The following AUTS2 variants were observed in gnomAD, a reference collection of about 807,000 sequenced individuals.
The protein encoded by AUTS2 is autism susceptibility gene 2 protein.
In AUTS2, 17 loss-of-function variants were observed where a neutral mutation model predicts 112.4. That is an observed-to-expected ratio of 0.15 (90% confidence interval 0.10 to 0.23). The LOEUF (loss-of-function observed/expected upper bound fraction) is 0.23, where lower values mean the gene tolerates loss of function less well. AUTS2 is among the 10% of genes least tolerant of loss of function. The probability of loss-of-function intolerance (pLI) is 1.00; values close to 1 mark genes in which losing one functional copy is unlikely to be tolerated. For synonymous variants in AUTS2, 751 were observed against 702.7 expected (o/e 1.07, Z -1.09); for missense variants, 1,510 against 1,701.6 (o/e 0.89, Z 1.98).
chr7:70,107,887 T>C (rs887963070), intron 2 of AUTS2, among the ~76,000 whole-genome samples: 1 of 151,458 alleles, frequency 6.6e-6, no homozygotes, highest in East Asian at 2.0e-4. Context: ...TGGGCGTGCC[T>C]GTAATCCCAG....
intron 1 of AUTS2, among the ~76,000 whole-genome samples, chr7:69,785,030 GA>G (rs923189880): frequency 1.4e-5 from 2 of 148,008 alleles, no homozygotes; most frequent in African/African-American, 5.0e-5. Flanking sequence ...ACTATGAAAG[GA>G]AAAAAAAACA....
intron 5 of AUTS2, among the ~76,000 whole-genome samples, chr7:70,682,753 C>G (rs965723316): frequency 2.6e-5 from 4 of 152,256 alleles, no homozygotes; most frequent in African/African-American, 7.2e-5. Flanking sequence ...GAAGCTTCCT[C>G]TCTGTTCCAC....
chr7:69,967,225 G>A (rs1257112305), intron 2 of AUTS2, among the ~76,000 whole-genome samples: 4 of 152,176 alleles, frequency 2.6e-5, no homozygotes, highest in African/African-American at 7.2e-5. Flanking sequence ...TGTTTGGCCA[G>A]GTGTTAATCT....
chr7:69,658,451 T>C (rs1795642031), intron 1 of AUTS2, among the ~76,000 whole-genome samples: 1 of 152,230 alleles, frequency 6.6e-6, no homozygotes, highest in African/African-American at 2.4e-5. Flanking sequence ...GTTTTAGAGG[T>C]AGTGGTTCGT....
At chr7:70,185,257 C>CTTTTTTTTTT (rs35215443) in intron 4 of AUTS2, among the ~76,000 whole-genome samples, 13 of 87,118 alleles carry the variant, frequency 1.5e-4, no homozygotes, top group East Asian at 3.7e-4. Context: ...TGACATTAAA[C>CTTTTTTTTTT]TTTTTTTTTT....
At chr7:69,830,439 G>A (rs879563451) in intron 1 of AUTS2, among the ~76,000 whole-genome samples, 1 of 152,100 alleles carries the variant, frequency 6.6e-6, no homozygotes, top group African/African-American at 2.4e-5. Context: ...TAAAAATTCA[G>A]TATGTTTTCT....
intron 4 of AUTS2, among the ~76,000 whole-genome samples, chr7:70,143,200 T>A (rs1806952501): frequency 1.3e-5 from 2 of 152,202 alleles, no homozygotes; most frequent in Admixed American, 1.3e-4. Context: ...ACTCCAAGTG[T>A]CACATTTTCC....
chr7:69,619,082 T>G (rs1793526459), intron 1 of AUTS2, among the ~76,000 whole-genome samples: 1 of 152,224 alleles, frequency 6.6e-6, no homozygotes, highest in African/African-American at 2.4e-5. Context: ...AGATGCCTGG[T>G]ACCAAGCCAT....
chr7:70,577,449 G>A (rs1301639528), intron 5 of AUTS2, among the ~76,000 whole-genome samples: 1 of 151,988 alleles, frequency 6.6e-6, no homozygotes, highest in East Asian at 1.9e-4. Flanking sequence ...AATCCTTTTG[G>A]TCCTTTAAGG....
intron 1 of AUTS2, among the ~76,000 whole-genome samples, chr7:69,713,556 G>A (rs1265990445): frequency 6.6e-6 from 1 of 151,688 alleles, no homozygotes; most frequent in Non-Finnish European, 1.5e-5. Flanking sequence ...TGCCTCCCAG[G>A]TTAAAGAGAT....
intron 4 of AUTS2, among the ~76,000 whole-genome samples, chr7:70,355,236 T>C (rs1791952396): frequency 6.6e-6 from 1 of 152,030 alleles, no homozygotes; most frequent in South Asian, 2.1e-4. Flanking sequence ...TTCTGGTTGT[T>C]TCACTTCCAG....
chr7:70,681,956 C>G (rs1419891600), intron 5 of AUTS2, among the ~76,000 whole-genome samples: 1 of 152,330 alleles, frequency 6.6e-6, no homozygotes, highest in East Asian at 1.9e-4. Flanking sequence ...CAGCCCTCTT[C>G]GCTTATAAAC....
chr7:69,836,756 G>A (rs539854500), intron 1 of AUTS2, among the ~76,000 whole-genome samples: 28 of 152,162 alleles, frequency 1.8e-4, no homozygotes, highest in African/African-American at 6.5e-4. Flanking sequence ...ATATTTGCAC[G>A]CCTAAAAAAA....
chr7:70,435,675 G>T (rs929739304), intron 4 of AUTS2, 77 bp from the exon 5 acceptor site: 10 of 1,436,128 alleles, frequency 7.0e-6, no homozygotes, highest in Middle Eastern at 3.5e-4. Flanking sequence ...TTGTATGGGG[G>T]TTGGGGGAGG....
chr7:69,681,579 G>C (rs1197805833), intron 1 of AUTS2, among the ~76,000 whole-genome samples: 1 of 152,182 alleles, frequency 6.6e-6, no homozygotes, highest in African/African-American at 2.4e-5. Flanking sequence ...ATGTTGGCCT[G>C]GGTGTTGATA....
intron 5 of AUTS2, among the ~76,000 whole-genome samples, chr7:70,558,089 C>G (rs948614442): frequency 3.3e-5 from 5 of 152,050 alleles, no homozygotes; most frequent in Non-Finnish European, 7.4e-5. Context: ...AAGTATTCTT[C>G]CTGGCTTCCA....
chr7:69,845,098 G>T (rs568411143), intron 1 of AUTS2, among the ~76,000 whole-genome samples: 109 of 152,262 alleles, frequency 7.2e-4, no homozygotes, highest in African/African-American at 2.6e-3. Flanking sequence ...GCTATTCAAA[G>T]TGTGTTAGAA....
chr7:70,456,770 C>T (rs891978437), intron 5 of AUTS2, among the ~76,000 whole-genome samples: 1 of 152,250 alleles, frequency 6.6e-6, no homozygotes, highest in Non-Finnish European at 1.5e-5. Context: ...ACACAACCAC[C>T]TCTGATGACC....
At chr7:70,083,663 C>A (rs1168845027) in intron 2 of AUTS2, among the ~76,000 whole-genome samples, 1 of 152,018 alleles carries the variant, frequency 6.6e-6, no homozygotes, top group Non-Finnish European at 1.5e-5. Flanking sequence ...AGGTAATGAA[C>A]AGGCTAGGTG....
Sources: allele counts gnomAD v4.1 joint callset (sites outside exome capture counted in the v4.1 genomes callset), GRCh38; gene constraint gnomAD v4.1.1; transcripts MANE v1.5; gene names NCBI Gene and HGNC (gene_info 2026-07-23, HGNC 2026-07-21).